The following TPRG1 variants were observed in gnomAD, a reference collection of about 807,000 sequenced individuals.
The protein encoded by TPRG1 is tumor protein p63 regulated 1.
TPRG1 carries 29 observed loss-of-function variants against 29.3 expected under a neutral mutation model. The observed-to-expected ratio is 0.99, with a 90% CI of 0.74 to 1.35. The LOEUF (loss-of-function observed/expected upper bound fraction) is 1.35. TPRG1 is among the 40% of genes most tolerant of loss of function. The pLI is 0.00. For synonymous variants in TPRG1, 130 were observed against 116.8 expected (o/e 1.11, Z -0.73); for missense variants, 327 against 335.0 (o/e 0.98, Z 0.19).
intron 3 of TPRG1, among the ~76,000 whole-genome samples, chr3:189,233,980 C>G (rs1012193894): frequency 2.6e-5 from 4 of 152,188 alleles, no homozygotes; most frequent in African/African-American, 9.6e-5. Flanking sequence ...AAGTGGCCCT[C>G]TCACCTTGGC....
chr3:189,304,936 G>A (rs965868358), intron 4 of TPRG1, among the ~76,000 whole-genome samples: 6 of 152,024 alleles, frequency 3.9e-5, no homozygotes, highest in Admixed American at 3.3e-4. Context: ...ACAAGCACAC[G>A]CCCTGCGTTT....
chr3:189,023,555 A>C (rs536334445), intron 3 of TPRG1, among the ~76,000 whole-genome samples: 1 of 152,258 alleles, frequency 6.6e-6, no homozygotes, highest in South Asian at 2.1e-4. Flanking sequence ...GAGGTGTTGC[A>C]GTCATTTGGA....
intron 5 of TPRG1, among the ~76,000 whole-genome samples, chr3:189,166,004 G>A (rs974720960): frequency 2.6e-5 from 4 of 152,182 alleles, no homozygotes; most frequent in African/African-American, 9.7e-5. Flanking sequence ...CAGTTCAAAA[G>A]AAATCATCAA....
rs1724446979 is a variant in TPRG1 at position 189,323,001 on chromosome 3, A to G, written c.*2181A>G. The G allele has an allele frequency of 6.6e-6, 1 of 152,118 alleles. No individual in the cohort carries two copies. Among genetic ancestry groups the G allele is most frequent in the Admixed American group, 6.6e-5 (1 of 15,242 alleles). The allele number at this position is 152,118 out of a possible 1,614,324, so 9.4% of individuals were successfully genotyped here. ...GCTATCCCCTTAATTGATAAATGGG[A>G]TCTAGAAAGCGGTATTATGACCAGA... On this transcript the variant is annotated 3_prime_UTR_variant, in exon 6 of 6. Coordinates refer to ENST00000345063, the MANE Select transcript of TPRG1 (RefSeq NM_198485.4).
At chr3:189,151,763 C>T (rs1725967999) in intron 5 of TPRG1, among the ~76,000 whole-genome samples, 1 of 152,060 alleles carries the variant, frequency 6.6e-6, no homozygotes, top group African/African-American at 2.4e-5. Context: ...CCCCTGTAGT[C>T]CCAGCTATTT....
intron 4 of TPRG1, among the ~76,000 whole-genome samples, chr3:189,076,942 A>ATATATATATATATG (rs199941065): frequency 0.018 from 2,739 of 151,162 alleles, 93 homozygotes; most frequent in African/African-American, 0.064. Flanking sequence ...ATATATATAT[A>ATATATATATATATG]GCCAATAAGC....
rs1196306688 is a variant in TPRG1, at chr3:189,324,556, A to G, written c.*3736A>G. On this transcript the variant is annotated 3_prime_UTR_variant, in exon 6 of 6. Transcript: ENST00000345063. ...CACTTATAGAGCTCTCCGATTTCCTATCTGATAAAAAAAGCCCAAACAAAG... is the reference window on the plus strand; with the variant it reads ...CACTTATAGAGCTCTCCGATTTCCTGTCTGATAAAAAAAGCCCAAACAAAG... The G allele has an allele frequency of 2.0e-5, 3 of 152,148 alleles. No homozygotes were observed. The highest frequency in any genetic ancestry group is 6.6e-5 in the Admixed American group (1 of 15,260). 9.4% of individuals were successfully genotyped at this position (152,148 alleles called of 1,614,324 possible).
At chr3:189,176,593 A>T (rs1729519828) in intron 1 of TPRG1, among the ~76,000 whole-genome samples, 1 of 152,172 alleles carries the variant, frequency 6.6e-6, no homozygotes, top group South Asian at 2.1e-4. Flanking sequence ...AGTTATGGAG[A>T]GCTAGATTTT....
chr3:189,235,200 G>A (rs370464266), intron 3 of TPRG1, among the ~76,000 whole-genome samples: 19 of 146,926 alleles, frequency 1.3e-4, no homozygotes, highest in Middle Eastern at 7.0e-3. Context: ...AGGGTAGGGC[G>A]GTAAAGATGA....
chr3:189,152,835 T>C (rs113427869), intron 5 of TPRG1, among the ~76,000 whole-genome samples: 3 of 141,512 alleles, frequency 2.1e-5, no homozygotes, highest in Admixed American at 7.1e-5. Flanking sequence ...GATTGCTACC[T>C]GCCATTATTA....
intron 4 of TPRG1, among the ~76,000 whole-genome samples, chr3:189,079,594 C>A (rs1245826061): frequency 6.6e-6 from 1 of 152,048 alleles, no homozygotes; most frequent in Admixed American, 6.6e-5. Flanking sequence ...GTATTTTAAA[C>A]ACACACACAA....
chr3:189,312,173 CTT>C (rs1722737879), intron 5 of TPRG1, among the ~76,000 whole-genome samples: 22 of 63,488 alleles, frequency 3.5e-4, no homozygotes, highest in East Asian at 1.8e-3. Flanking sequence ...TTCTTTCTTT[CTT>C]TCTTTCTTTT....
chr3:189,149,911 G>T (rs1018053415), intron 4 of TPRG1, among the ~76,000 whole-genome samples: 2 of 152,034 alleles, frequency 1.3e-5, no homozygotes, highest in African/African-American at 2.4e-5. Flanking sequence ...GATTATGTAC[G>T]CAGTGTTTTC....
intron 2 of TPRG1, among the ~76,000 whole-genome samples, chr3:189,128,149 T>C (rs1173575691): frequency 1.3e-5 from 2 of 152,122 alleles, no homozygotes; most frequent in Non-Finnish European, 2.9e-5. Context: ...GCAAGATGAG[T>C]CAGAAAGGGA....
chr3:189,034,658 A>G (rs966872479), intron 4 of TPRG1, among the ~76,000 whole-genome samples: 12 of 152,168 alleles, frequency 7.9e-5, no homozygotes, highest in African/African-American at 2.9e-4. Flanking sequence ...TGTAAACAAG[A>G]ACATTTAGAA....
intron 4 of TPRG1, among the ~76,000 whole-genome samples, chr3:189,259,141 G>C (rs1403921214): frequency 6.6e-6 from 1 of 152,176 alleles, no homozygotes; most frequent in East Asian, 1.9e-4. Context: ...GCACCTGAGA[G>C]AATCTCCTGG....
At chr3:189,294,296 G>A (rs1228753451) in intron 4 of TPRG1, among the ~76,000 whole-genome samples, 1 of 152,110 alleles carries the variant, frequency 6.6e-6, no homozygotes, top group Admixed American at 6.5e-5. Context: ...GATCCTATGG[G>A]GAAGTGGGGG....
intron 4 of TPRG1, among the ~76,000 whole-genome samples, chr3:189,298,892 C>G (rs981757999): frequency 2.6e-5 from 4 of 152,132 alleles, no homozygotes; most frequent in Non-Finnish European, 2.9e-5. Context: ...GCAGAGCCTT[C>G]TGTACCCACC....
chr3:189,057,814 G>A (rs1378242744), intron 4 of TPRG1, among the ~76,000 whole-genome samples: 2 of 139,290 alleles, frequency 1.4e-5, no homozygotes, highest in African/African-American at 5.6e-5. Context: ...GTATATATAT[G>A]TGTGTATATA....
Sources: allele counts gnomAD v4.1 joint callset (sites outside exome capture counted in the v4.1 genomes callset), GRCh38; gene constraint gnomAD v4.1.1; transcripts MANE v1.5; gene names NCBI Gene and HGNC (gene_info 2026-07-23, HGNC 2026-07-21).